TSNARE1: variants seen among roughly 807,000 people sequenced by gnomAD.
The protein encoded by TSNARE1 is t-SNARE domain containing 1.
A neutral mutation model predicts 62.0 loss-of-function variants in TSNARE1; 49 were observed. The ratio of observed to expected loss-of-function variants is 0.79; its 90% CI spans 0.63 to 1.00. The LOEUF is 1.00. TSNARE1 is among the 50% of genes least tolerant of loss of function. The pLI, the probability that TSNARE1 is intolerant of heterozygous loss-of-function variation, is 0.00. For missense variants in TSNARE1, 755 were observed against 700.1 expected (o/e 1.08, Z -0.88); for synonymous variants, 328 against 294.4 (o/e 1.11, Z -1.17).
intron 9 of TSNARE1, among the ~76,000 whole-genome samples, chr8:142,302,193 C>T (rs1277152439): frequency 6.6e-6 from 1 of 152,006 alleles, no homozygotes; most frequent in Non-Finnish European, 1.5e-5. Context: ...AGGAGCAGAC[C>T]CATGGCGCCC....
chr8:142,228,258 A>C (rs752463550), intron 13 of TSNARE1, among the ~76,000 whole-genome samples: 1 of 152,202 alleles, frequency 6.6e-6, no homozygotes, highest in Non-Finnish European at 1.5e-5. Flanking sequence ...TTCAGCCACT[A>C]AGCTTTAAGC....
At chr8:142,362,409 C>T (rs550453919) in intron 1 of TSNARE1, among the ~76,000 whole-genome samples, 2 of 152,218 alleles carry the variant, frequency 1.3e-5, no homozygotes, top group African/African-American at 4.8e-5. Flanking sequence ...TGTATAATCC[C>T]TAAAAGCATT....
intron 1 of TSNARE1, among the ~76,000 whole-genome samples, chr8:142,396,343 C>G (rs894966495): frequency 6.6e-6 from 1 of 152,154 alleles, no homozygotes; most frequent in African/African-American, 2.4e-5. Context: ...GGGGCTCACA[C>G]CACCCCGACC....
At chr8:142,276,368 T>A in intron 11 of TSNARE1, 1 of 985,120 alleles carries the variant, frequency 1.0e-6, no homozygotes, top group South Asian at 4.7e-5. Context: ...GTGTGACGGA[T>A]CCCCCCACAA....
chr8:142,299,079 G>A (rs1020907846), intron 10 of TSNARE1, among the ~76,000 whole-genome samples: 10 of 152,354 alleles, frequency 6.6e-5, no homozygotes, highest in South Asian at 2.1e-4. Context: ...CAGGGAGCCC[G>A]AGGACAGGAA....
At chr8:142,388,170 T>C (rs1021313842) in intron 1 of TSNARE1, among the ~76,000 whole-genome samples, 4 of 152,148 alleles carry the variant, frequency 2.6e-5, no homozygotes, top group East Asian at 1.9e-4. Flanking sequence ...GATCACCCCA[T>C]AGATGATTTT....
chr8:142,294,238 T>C (rs1036049310), intron 10 of TSNARE1, among the ~76,000 whole-genome samples: 2 of 151,876 alleles, frequency 1.3e-5, no homozygotes, highest in East Asian at 1.9e-4. Context: ...CCAGGGCCCC[T>C]GGGAGAATCG....
chr8:142,393,593 C>T (rs1266220717), intron 1 of TSNARE1, among the ~76,000 whole-genome samples: 1 of 152,232 alleles, frequency 6.6e-6, no homozygotes, highest in Non-Finnish European at 1.5e-5. Flanking sequence ...ATGCCAAACG[C>T]CACGCCCGAA....
chr8:142,299,276 C>T (rs1446801921), intron 10 of TSNARE1, among the ~76,000 whole-genome samples: 3 of 152,236 alleles, frequency 2.0e-5, no homozygotes, highest in Admixed American at 1.3e-4. Flanking sequence ...TCCCTTCCTT[C>T]GAGAGTGGAA....
chr8:142,366,192 A>G lies in TSNARE1; in HGVS notation c.-39-11429T>C, dbSNP rs371230482. ...GCTGGGACTACAGGCACCCACCACC[A>G]CGCCCGGCTAATTTTTTGTATTTTT... On this transcript the variant is annotated intron_variant, in intron 1 of 13. Transcript: ENST00000524325. Among the ~76,000 whole-genome samples the G allele has an allele frequency of 8.0e-4, 121 of 151,996 alleles. 1 individual carries two copies. Among genetic ancestry groups the G allele is most frequent in the African/African-American group, 2.9e-3 (119 of 41,442 alleles).
intron 1 of TSNARE1, among the ~76,000 whole-genome samples, chr8:142,392,339 T>G (rs1413164056): frequency 6.6e-6 from 1 of 151,878 alleles, no homozygotes; most frequent in African/African-American, 2.4e-5. Flanking sequence ...TTTTAATAAG[T>G]AAAAGGAGTA....
At chr8:142,222,690 A>C (rs1257312758) in intron 13 of TSNARE1, among the ~76,000 whole-genome samples, 2 of 119,204 alleles carry the variant, frequency 1.7e-5, no homozygotes, top group Non-Finnish European at 3.5e-5. Flanking sequence ...TCATCCACTC[A>C]CTCACTCATC....
At chr8:142,281,630 G>A (rs1269184333) in intron 11 of TSNARE1, among the ~76,000 whole-genome samples, 1 of 152,080 alleles carries the variant, frequency 6.6e-6, no homozygotes, top group Non-Finnish European at 1.5e-5. Flanking sequence ...TCAGGGTTAA[G>A]GGGACCCAGA....
intron 1 of TSNARE1, among the ~76,000 whole-genome samples, chr8:142,382,981 G>A (rs1175890836): frequency 6.6e-6 from 1 of 152,156 alleles, no homozygotes; most frequent in Non-Finnish European, 1.5e-5. Flanking sequence ...CAGGGTCTGG[G>A]GGGAAAGGAG....
intron 12 of TSNARE1, among the ~76,000 whole-genome samples, chr8:142,244,195 A>G (rs1192827265): frequency 2.0e-5 from 3 of 152,256 alleles, no homozygotes; most frequent in Non-Finnish European, 4.4e-5. Flanking sequence ...TTAAACTGTC[A>G]TGATTGGTAA....
At chr8:142,401,963 G>A (rs1213615162) in intron 1 of TSNARE1, among the ~76,000 whole-genome samples, 2 of 152,096 alleles carry the variant, frequency 1.3e-5, no homozygotes, top group Non-Finnish European at 2.9e-5. Flanking sequence ...AGTATCCTAA[G>A]CAACAATCCC....
chr8:142,273,596 A>G, intron 12 of TSNARE1: 3 of 985,330 alleles, frequency 3.0e-6, no homozygotes, highest in Non-Finnish European at 3.6e-6. Flanking sequence ...AGCTGTCAAC[A>G]GGGACTGACC....
intron 3 of TSNARE1, 61 bp downstream of exon 3, chr8:142,345,682 G>A (rs891016154): frequency 3.4e-5 from 51 of 1,483,324 alleles, no homozygotes; most frequent in Non-Finnish European, 4.4e-5. Flanking sequence ...GCCCTCCTCA[G>A]CACCTGCATC....
chr8:142,279,949 A>C (rs1821135248), intron 11 of TSNARE1: 10 of 1,105,544 alleles, frequency 9.0e-6, no homozygotes, highest in South Asian at 8.0e-5. Flanking sequence ...TGTGAGGAGG[A>C]GGCCGGGGGC....
Sources: gnomAD v4.1 joint callset for allele counts (sites outside exome capture counted in the v4.1 genomes callset) on GRCh38, gnomAD v4.1.1 for gene constraint, MANE v1.5 for transcripts, NCBI Gene and HGNC (gene_info 2026-07-23, HGNC 2026-07-21) for gene names.